Variants in CUX1 observed in about 807,000 individuals in gnomAD.
The protein encoded by CUX1 is protein CASP.
CUX1 carries 31 observed loss-of-function variants against 158.8 expected under a neutral mutation model. The ratio of observed to expected loss-of-function variants is 0.20; its 90% CI spans 0.15 to 0.26. CUX1 has a LOEUF of 0.26. Among genes scored for constraint, CUX1 ranks in the 10% least tolerant of loss-of-function variants. CUX1 has a pLI of 1.00. For missense variants in CUX1, 1,589 were observed against 2,014.6 expected (o/e 0.79, Z 4.04); for synonymous variants, 879 against 862.1 (o/e 1.02, Z -0.34).
At chr7:102,056,383 G>A (rs1824128810) in intron 3 of CUX1, among the ~76,000 whole-genome samples, 1 of 152,168 alleles carries the variant, frequency 6.6e-6, no homozygotes, top group Admixed American at 6.5e-5. Context: ...AATGCAGCTG[G>A]TGACTTGAAG....
At chr7:102,169,077 G>T (rs1237688601) in intron 9 of CUX1, among the ~76,000 whole-genome samples, 1 of 151,940 alleles carries the variant, frequency 6.6e-6, no homozygotes, top group Non-Finnish European at 1.5e-5. Context: ...GGGATTACAG[G>T]CATGTGCCAC....
intron 6 of CUX1, among the ~76,000 whole-genome samples, 177 bp downstream of exon 6, chr7:102,104,636 A>C (rs1830145292): frequency 6.6e-6 from 1 of 152,192 alleles, no homozygotes; most frequent in Non-Finnish European, 1.5e-5. Context: ...TCACGCCTGT[A>C]ATCTCAGCAC....
chr7:101,999,885 CGTGTGT>C (rs1018568928), intron 2 of CUX1, among the ~76,000 whole-genome samples: 2 of 151,678 alleles, frequency 1.3e-5, no homozygotes, highest in Non-Finnish European at 2.9e-5. Context: ...GGCATGCGTG[CGTGTGT>C]GTGTGCGTGT....
chr7:102,281,819 TCA>T, intron 20 of CUX1: 1 of 1,575,466 alleles, frequency 6.3e-7, no homozygotes, highest in Non-Finnish European at 8.7e-7. Flanking sequence ...CCATCCCCAC[TCA>T]CCCCCTCCTT....
At chr7:101,965,735 G>GCTACT (rs1188703791) in intron 2 of CUX1, among the ~76,000 whole-genome samples, 1 of 150,570 alleles carries the variant, frequency 6.6e-6, no homozygotes, top group Non-Finnish European at 1.5e-5. Flanking sequence ...TGTAGTCCCA[G>GCTACT]CTACTCGGGA....
At chr7:101,894,489 T>C (rs1413223125) in intron 1 of CUX1, among the ~76,000 whole-genome samples, 2 of 152,102 alleles carry the variant, frequency 1.3e-5, no homozygotes, top group East Asian at 3.9e-4. Context: ...TTTTTGTATT[T>C]TTAGTAGAGA....
intron 2 of CUX1, among the ~76,000 whole-genome samples, chr7:101,984,176 TA>T (rs1256114786): frequency 8.2e-6 from 1 of 121,290 alleles, no homozygotes; most frequent in Non-Finnish European, 1.7e-5. Flanking sequence ...GTGTGTGTGT[TA>T]GGGGACAGAT....
intron 14 of CUX1, among the ~76,000 whole-genome samples, chr7:102,269,990 C>G (rs1357193026): frequency 6.6e-6 from 1 of 152,240 alleles, no homozygotes; most frequent in East Asian, 1.9e-4. Context: ...CCCCTTCCCC[C>G]ACAGGGGGCC....
intron 8 of CUX1, among the ~76,000 whole-genome samples, chr7:102,139,841 A>G (rs1173701558): frequency 2.0e-5 from 3 of 151,294 alleles, no homozygotes; most frequent in African/African-American, 7.3e-5. Context: ...AATTTATTGT[A>G]GAGACGGGGT....
chr7:102,035,736 T>C (rs1372720030), intron 3 of CUX1, among the ~76,000 whole-genome samples: 2 of 151,040 alleles, frequency 1.3e-5, no homozygotes, highest in African/African-American at 2.4e-5. Flanking sequence ...AACATTTATA[T>C]TGAAGGATAT....
chr7:102,124,611 C>T (rs1490314337), intron 8 of CUX1, among the ~76,000 whole-genome samples: 1 of 152,110 alleles, frequency 6.6e-6, no homozygotes, highest in Non-Finnish European at 1.5e-5. Context: ...AGATCTCACT[C>T]ATGTAAAACG....
intron 20 of CUX1, among the ~76,000 whole-genome samples, chr7:102,216,556 G>A (rs1228960948): frequency 2.7e-3 from 92 of 33,882 alleles, no homozygotes; most frequent in South Asian, 5.2e-3. Context: ...ACCCACACAC[G>A]CACACACACT....
At chr7:102,247,621 C>T (rs1297621) in intron 23 of CUX1, among the ~76,000 whole-genome samples, 58,038 of 151,902 alleles carry the variant, frequency 0.38, 12,437 homozygotes, top group East Asian at 0.87. Context: ...CCCAGGAGCT[C>T]AAGACTAGCC....
rs1554537904 is a variant in CUX1, at chr7:102,248,575, G to A, written c.4051G>A (p.Asp1351Asn). Residue 1351 changes from aspartate (D) to asparagine (N), a missense_variant, in exon 24 of 24, where the codon GAC becomes AAC. This residue lies in a region of CUX1 where 344 missense variants were observed against 323.7 expected (regional missense o/e 1.06). Coordinates refer to ENST00000292535, the MANE Select transcript of CUX1 (RefSeq NM_181552.4). The surrounding 1 kb of genome is among the most constrained non-coding windows in gnomAD (Gnocchi z 5.8). ...GGCCACTGAGGGCCCAGGCAGCGCCGACACCGAGGAGCCCAAGTCTCAGGG... is the reference window on the plus strand; with the variant it reads ...GGCCACTGAGGGCCCAGGCAGCGCCAACACCGAGGAGCCCAAGTCTCAGGG... ...VEATEGPGSA[D>N]TEEPKSQGEA... is the part of the protein sequence containing the mutation. 2.7e-6 allele frequency: 4 copies of A among 1,485,412 alleles called. No individual in the cohort carries two copies. The highest frequency in any genetic ancestry group is 1.3e-5 in the South Asian group (1 of 79,776). The allele number at this position is 1,485,412 out of a possible 1,614,324, so 92.0% of individuals were successfully genotyped here. A position where few individuals can be genotyped will look rare whatever the true frequency, so the allele number is the denominator to read the frequency against.
intron 2 of CUX1, among the ~76,000 whole-genome samples, chr7:102,016,233 C>G (rs542800248): frequency 9.9e-5 from 15 of 152,236 alleles, no homozygotes; most frequent in African/African-American, 3.4e-4. Flanking sequence ...CAGGCACATG[C>G]CCCTGTGCCC....
chr7:102,280,053 A>G, exon 19 of CUX1: 1 of 1,609,074 alleles, frequency 6.2e-7, no homozygotes, highest in Non-Finnish European at 8.5e-7. Flanking sequence ...GGCAGTGATG[A>G]CACGGAGCTG....
chr7:102,041,456 G>A (rs1188014972), intron 3 of CUX1, among the ~76,000 whole-genome samples: 1 of 151,078 alleles, frequency 6.6e-6, no homozygotes, highest in Non-Finnish European at 1.5e-5. Context: ...GTTTTACCAT[G>A]TTGTTCAGGC....
Position 102,174,996 on chromosome 7 carries a change from T to C in CUX1, c.829-3473T>C, listed in dbSNP as rs1792152056. ...CAGATAGAGGGAGGATGGTCATGTC[T>C]GTGTCATTTCCAAGGTCTTACTGCT... On this transcript the variant is annotated intron_variant, in intron 10 of 23. Coordinates refer to ENST00000292535, the MANE Select transcript of CUX1 (RefSeq NM_181552.4). Among the ~76,000 whole-genome samples the C allele has an allele frequency of 2.6e-5, 4 of 152,336 alleles. No individual in the cohort carries two copies. The South Asian group carries it at 6.2e-4, about 24-fold the overall frequency.
intron 1 of CUX1, among the ~76,000 whole-genome samples, chr7:101,838,105 T>C (rs1646885666): frequency 6.6e-6 from 1 of 151,860 alleles, no homozygotes; most frequent in South Asian, 2.1e-4. Flanking sequence ...TAAATCTTTT[T>C]CTCCTTCCTT....
Sources: allele counts gnomAD v4.1 joint callset (sites outside exome capture counted in the v4.1 genomes callset), GRCh38; gene constraint gnomAD v4.1.1; regional missense constraint gnomAD v4.1.1; non-coding constraint Gnocchi (gnomAD v3.1); transcripts MANE v1.5; gene names NCBI Gene and HGNC (gene_info 2026-07-23, HGNC 2026-07-21).